The following PCDHA4 variants were observed in gnomAD, a reference collection of about 807,000 sequenced individuals.
The protein encoded by PCDHA4 is protocadherin alpha-4.
In PCDHA4, 49 loss-of-function variants were observed where a neutral mutation model predicts 61.4. The observed-to-expected ratio is 0.80, with a 90% CI of 0.63 to 1.01. PCDHA4 has a LOEUF of 1.01. PCDHA4 is among the 50% of genes least tolerant of loss of function. The probability of loss-of-function intolerance (pLI) is 0.00; values close to 1 mark genes in which losing one functional copy is unlikely to be tolerated. For synonymous variants in PCDHA4, 590 were observed against 550.3 expected, an observed-to-expected ratio of 1.07 and a Z score of -1.01; for missense variants, 1,254 against 1,235.8, an observed-to-expected ratio of 1.01 and a Z score of -0.22.
chr5:140,852,889 T>G lies in PCDHA4; in HGVS notation c.2385+43317T>G. On this transcript the variant is annotated intron_variant, in intron 1 of 3. Transcript: ENST00000530339. ...TCATCAATAATCATAAAACGTATTT[T>G]TTTTTTTGAGTCAGAGTCTCGCTCT... is the stretch of plus-strand genomic sequence containing the variant. The G allele has an allele frequency of 2.2e-6, 2 of 920,480 alleles. 1 individual carries two copies. The highest frequency in any genetic ancestry group is 2.6e-6 in the Non-Finnish European group (2 of 757,628). The allele number at this position is 920,480 out of a possible 1,614,324, so 57.0% of individuals were successfully genotyped here.
chr5:140,849,060 G>A lies in PCDHA4; in HGVS notation c.2385+39488G>A, dbSNP rs2150429705. On this transcript the variant is annotated intron_variant, in intron 1 of 3. Transcript: ENST00000530339. ...GGACGTGCCAACCAGCAACCAGCAG[G>A]TAAAACCTCTTGGACTTGTATTACG... The A allele has an allele frequency of 3.2e-6, 5 of 1,549,090 alleles. No individual in the cohort carries two copies. The South Asian group carries it at 5.6e-5, about 17-fold the overall frequency.
At position 140,850,679 on chromosome 5, in the gene PCDHA4, C is replaced by G. The variant is rs1439060369; in HGVS notation, c.2385+41107C>G. 22 of 1,598,382 alleles carry G rather than the reference C, an allele frequency of 1.4e-5. 2 individuals are homozygous for G. The highest frequency in any genetic ancestry group is 1.6e-5 in the Non-Finnish European group (19 of 1,167,880). The stretch of plus-strand genomic sequence containing the variant: ...TGCTGCGGTGCTCGGCGATGCCCAC[C>G]GAGGGCGAGTGCGCGCCTGGCAAGC... On this transcript the variant is annotated intron_variant, in intron 1 of 3. Coordinates refer to ENST00000530339, the MANE Select transcript of PCDHA4 (RefSeq NM_018907.4).
At chr5:140,825,574 G>A (rs1447925811) in intron 1 of PCDHA4, 1 of 151,612 alleles carries the variant, frequency 6.6e-6, no homozygotes, top group Non-Finnish European at 1.5e-5. Flanking sequence ...ACAGGCATGT[G>A]CCCACACCTG....
chr5:140,945,346 A>C (rs2093775452), intron 1 of PCDHA4, among the ~76,000 whole-genome samples: 1 of 152,132 alleles, frequency 6.6e-6, no homozygotes, highest in South Asian at 2.1e-4. Context: ...AGCTTGGAAA[A>C]ATTAATACTG....
intron 3 of PCDHA4, among the ~76,000 whole-genome samples, chr5:140,992,665 T>A (rs1219714191): frequency 2.6e-5 from 4 of 152,096 alleles, no homozygotes; most frequent in Non-Finnish European, 5.9e-5. Context: ...CTGATTGGTG[T>A]GTATGTGTGT....
At chr5:140,838,604 C>T (rs1335900872) in intron 1 of PCDHA4, among the ~76,000 whole-genome samples, 1 of 151,900 alleles carries the variant, frequency 6.6e-6, no homozygotes, top group Non-Finnish European at 1.5e-5. Flanking sequence ...ATTGTCTAGA[C>T]TTTTAAAAAT....
intron 3 of PCDHA4, among the ~76,000 whole-genome samples, chr5:140,985,179 C>T (rs1056430017): frequency 5.9e-5 from 9 of 152,132 alleles, no homozygotes; most frequent in African/African-American, 1.9e-4. Flanking sequence ...CCTCGTAATC[C>T]GCCTGCCTCG....
At chr5:140,823,986 T>C (rs782505154) in intron 1 of PCDHA4, 1 of 1,613,742 alleles carries the variant, frequency 6.2e-7, no homozygotes, top group Non-Finnish European at 8.5e-7. Flanking sequence ...GCAAGCCCAC[T>C]CTGTTGTGCT....
At chr5:140,830,285 T>C (rs2150184393) in intron 1 of PCDHA4, 7 of 1,613,564 alleles carry the variant, frequency 4.3e-6, no homozygotes, top group East Asian at 2.2e-5. Context: ...CGAGGGCGCG[T>C]GCACGGCGGA....
chr5:140,850,537 G>T (rs115218749), intron 1 of PCDHA4: 1 of 1,598,212 alleles, frequency 6.3e-7, no homozygotes, highest in Non-Finnish European at 8.6e-7. Context: ...TCATCGTCGC[G>T]GGCGTCAGTG....
intron 1 of PCDHA4, chr5:140,828,807 C>T: frequency 1.2e-6 from 2 of 1,614,222 alleles, no homozygotes; most frequent in African/African-American, 1.3e-5. Flanking sequence ...AATGATAATG[C>T]TCCCACTTTC....
At chr5:140,857,326 G>A in intron 1 of PCDHA4, 4 of 1,598,700 alleles carry the variant, frequency 2.5e-6, no homozygotes, top group Non-Finnish European at 1.7e-6. Flanking sequence ...TGGTGACCGC[G>A]CGGGACGGGG....
intron 1 of PCDHA4, chr5:140,967,190 AACG>A (rs781897780): frequency 6.2e-7 from 1 of 1,613,418 alleles, no homozygotes; most frequent in Non-Finnish European, 8.5e-7. Context: ...ATTGGACATC[AACG>A]ACAACTCACC....
chr5:140,960,482 G>GTGTA (rs1585840878), intron 1 of PCDHA4, among the ~76,000 whole-genome samples: 1 of 152,150 alleles, frequency 6.6e-6, no homozygotes, highest in Non-Finnish European at 1.5e-5. Context: ...TTACACAGAG[G>GTGTA]TGTAGGTTTG....
chr5:140,938,477 A>T (rs2092083791), intron 1 of PCDHA4, among the ~76,000 whole-genome samples: 1 of 152,178 alleles, frequency 6.6e-6, no homozygotes, highest in Non-Finnish European at 1.5e-5. Flanking sequence ...TATGTTTTTT[A>T]AAAATCATGA....
intron 1 of PCDHA4, among the ~76,000 whole-genome samples, chr5:140,901,442 T>G (rs1490397176): frequency 6.6e-6 from 1 of 152,206 alleles, no homozygotes; most frequent in Non-Finnish European, 1.5e-5. Flanking sequence ...GATATCTAGT[T>G]TCCCAGCACA....
rs1489992894 is a variant in PCDHA4, at chr5:140,841,079, G to A, written c.2385+31507G>A. ...AAATTATGATAAAGAAATAGAAAGT[G>A]CATAGAAGAACCCAGATATTGCGGA... On this transcript the variant is annotated intron_variant, in intron 1 of 3. Transcript: ENST00000530339. 3.0e-5 allele frequency: 16 copies of A among 535,434 alleles called. No homozygotes were observed. The East Asian group carries it at 5.1e-4, about 17-fold the overall frequency. 33.2% of individuals were successfully genotyped at this position (535,434 alleles called of 1,614,324 possible). A position where few individuals can be genotyped will look rare whatever the true frequency, so the allele number is the denominator to read the frequency against.
At chr5:140,984,041 T>A (rs1440161569) in intron 3 of PCDHA4, among the ~76,000 whole-genome samples, 1 of 152,196 alleles carries the variant, frequency 6.6e-6, no homozygotes, top group Non-Finnish European at 1.5e-5. Flanking sequence ...CATAAAATAG[T>A]TCATTGACAA....
chr5:140,894,987 T>A lies in PCDHA4; in HGVS notation c.2386-83962T>A, dbSNP rs564159529. On this transcript the variant is annotated intron_variant, in intron 1 of 3. Transcript: ENST00000530339. ...TTTTTTAATGTCTTACTTTGTGACA[T>A]CCTTTACCCTTTTTACTTGGACCTT... 3.3e-5 allele frequency among the ~76,000 whole-genome samples: 5 copies of A among 152,318 alleles called. No individual in the cohort carries two copies. In the East Asian group the frequency reaches 9.6e-4, roughly 29 times the overall value.
Sources: gnomAD v4.1 joint callset for allele counts (sites outside exome capture counted in the v4.1 genomes callset) on GRCh38, gnomAD v4.1.1 for gene constraint, MANE v1.5 for transcripts, NCBI Gene and HGNC (gene_info 2026-07-23, HGNC 2026-07-21) for gene names.